RAD54L: variants seen among roughly 807,000 people sequenced by gnomAD.
RAD54L encodes the protein DNA repair and recombination protein RAD54-like.
In RAD54L, 74 loss-of-function variants were observed where a neutral mutation model predicts 91.6. The ratio of observed to expected loss-of-function variants is 0.81; its 90% CI spans 0.67 to 0.98. RAD54L has a LOEUF of 0.98. Among genes scored for constraint, RAD54L ranks in the 50% least tolerant of loss-of-function variants. RAD54L has a pLI of 0.00. For missense variants in RAD54L, 887 were observed against 945.7 expected (o/e 0.94, Z 0.81); for synonymous variants, 304 against 349.7 (o/e 0.87, Z 1.46).
rs1162693010 is a variant in RAD54L, at chr1:46,272,025, CTTTTTTTTTTTTTTTTTT to C, written c.1170-424_1170-407del. Among the ~76,000 whole-genome samples the C allele has an allele frequency of 7.2e-3, 297 of 41,190 alleles. 10 individuals are homozygous for C. The highest frequency in any genetic ancestry group is 0.036 in the East Asian group (67 of 1,874). The allele number at this position is 41,190 out of a possible 152,430, so 27.0% of individuals were successfully genotyped here. On this transcript the variant is annotated intron_variant, in intron 10 of 17. Transcript: ENST00000371975. ...GATGTGTTTGACATAGGTCTGATGA[CTTTTTTTTTTTTTTTTTT>C]TTTTTTTTTTTTTTTTGAGATGGAG...
In RAD54L at chr1:46,249,999, G is replaced by C; in HGVS notation, c.91-1G>C. On this transcript the variant is annotated splice_acceptor_variant, in intron 2 of 17. Coordinates refer to ENST00000371975, the MANE Select transcript of RAD54L (RefSeq NM_003579.4). LOFTEE classifies it high-confidence loss of function. Reference sequence around the variant, plus strand: ...TCACCTTTCCCAATTCTCTCTCCTAGACTCCTAGGAAACGGAAATCCAGCA... The same window carrying C: ...TCACCTTTCCCAATTCTCTCTCCTACACTCCTAGGAAACGGAAATCCAGCA... 1 of 1,613,846 alleles carries C rather than the reference G, an allele frequency of 6.2e-7. No individual in the cohort carries two copies. Among genetic ancestry groups the C allele is most frequent in the Non-Finnish European group, 8.5e-7 (1 of 1,179,852 alleles).
rs1464488279 is a variant in RAD54L at position 46,248,044 on chromosome 1, C to T, written c.-362C>T. 3.4e-6 allele frequency: 1 copy of T among 298,222 alleles called. No homozygotes were observed. Among genetic ancestry groups the T allele is most frequent in the Non-Finnish European group, 6.6e-6 (1 of 152,654 alleles). The allele number at this position is 298,222 out of a possible 1,614,324, so 18.5% of individuals were successfully genotyped here. On this transcript the variant is annotated 5_prime_UTR_variant, in exon 1 of 18. Transcript: ENST00000371975. ...ATTACCCACCCCCAATCCCACCCCG[C>T]CCCGCCGCGCAACTACCTCCTCCCT...
chr1:46,266,350 G>A (rs1223435304), intron 8 of RAD54L, among the ~76,000 whole-genome samples: 3 of 152,212 alleles, frequency 2.0e-5, no homozygotes, highest in Admixed American at 6.5e-5. Context: ...ATTTAATTGC[G>A]TTGTCAAAGC....
In RAD54L at chr1:46,278,342, C is replaced by A; in HGVS notation, c.*60C>A. 2 of 1,502,756 alleles carry A rather than the reference C, an allele frequency of 1.3e-6. No homozygotes were observed. Among genetic ancestry groups the A allele is most frequent in the Non-Finnish European group, 1.8e-6 (2 of 1,101,526 alleles). 93.1% of individuals were successfully genotyped at this position (1,502,756 alleles called of 1,614,324 possible). A position where few individuals can be genotyped will look rare whatever the true frequency, so the allele number is the denominator to read the frequency against. The stretch of plus-strand genomic sequence containing the variant: ...GGAGATAGGGAAAAGGGGCTCCTTG[C>A]TCCACAGGGCCCTGTTGAATTTTGT... On this transcript the variant is annotated 3_prime_UTR_variant, in exon 18 of 18. Coordinates refer to ENST00000371975, the MANE Select transcript of RAD54L (RefSeq NM_003579.4).
chr1:46,272,890 C>T, intron 12 of RAD54L, 88 bp downstream of exon 12: 3 of 1,559,838 alleles, frequency 1.9e-6, no homozygotes, highest in Non-Finnish European at 2.6e-6. Context: ...CTCACTAAAA[C>T]TCGTCCAGAG....
In RAD54L at chr1:46,258,628, A is replaced by G. The variant is rs1660007697; in HGVS notation, c.211-58A>G. 6.3e-6 allele frequency: 8 copies of G among 1,261,232 alleles called. No individual in the cohort carries two copies. In the East Asian group the frequency reaches 1.8e-4, roughly 29 times the overall value. 78.1% of individuals were successfully genotyped at this position (1,261,232 alleles called of 1,614,324 possible). The stretch of plus-strand genomic sequence containing the variant: ...AAAACCTAATGTGAAGCATATCATG[A>G]TATTGTCCCATAACATCTCCAGTCA... On this transcript the variant is annotated intron_variant, in intron 3 of 17. Transcript: ENST00000371975.
rs562378697 is a variant in RAD54L, at chr1:46,260,158, G to A, written c.407+59G>A. ...TTCTCTGTATATGCACGCATACTTG[G>A]GAGGGCAGAGGGTATTTTGGTGTGA... is the stretch of plus-strand genomic sequence containing the variant. On this transcript the variant is annotated intron_variant, in intron 5 of 17. Coordinates refer to ENST00000371975, the MANE Select transcript of RAD54L (RefSeq NM_003579.4). The A allele has an allele frequency of 3.7e-6, 6 of 1,604,706 alleles. No homozygotes were observed. In the African/African-American group the frequency reaches 8.0e-5, roughly 21 times the overall value.
chr1:46,275,954 A>T lies in RAD54L; in HGVS notation c.1869+1237A>T, dbSNP rs868784702. Reference sequence around the variant, plus strand: ...GGGTGACAGAACAGGATCCCGTCTTAAAAAAAAAAAAAATTTTTTTTCTCG... The same window carrying T: ...GGGTGACAGAACAGGATCCCGTCTTTAAAAAAAAAAAAATTTTTTTTCTCG... On this transcript the variant is annotated intron_variant, in intron 16 of 17. Transcript: ENST00000371975. Among the ~76,000 whole-genome samples, 114 of 72,616 alleles carry T rather than the reference A, an allele frequency of 1.6e-3. 2 individuals carry two copies. The highest frequency in any genetic ancestry group is 0.017 in the Middle Eastern group (2 of 118). The allele number at this position is 72,616 out of a possible 152,430, so 47.6% of individuals were successfully genotyped here.
chr1:46,248,187 C>A lies in RAD54L; in HGVS notation c.-219C>A. ...TCTCTTCCTCTTTGGCCTAATCTCT[C>A]GTCTCGGCTTATTGGGGACGGCCAC... On this transcript the variant is annotated 5_prime_UTR_variant, in exon 1 of 18. Coordinates refer to ENST00000371975, the MANE Select transcript of RAD54L (RefSeq NM_003579.4). 1.5e-6 allele frequency: 1 copy of A among 666,384 alleles called. No homozygotes were observed. Among genetic ancestry groups the A allele is most frequent in the South Asian group, 1.7e-5 (1 of 59,906 alleles). The allele number at this position is 666,384 out of a possible 1,614,324, so 41.3% of individuals were successfully genotyped here. A position where few individuals can be genotyped will look rare whatever the true frequency, so the allele number is the denominator to read the frequency against.
In RAD54L at chr1:46,250,055, C is replaced by A. The variant is rs1291998355; in HGVS notation, c.146C>A (p.Ser49Tyr). 1.2e-6 allele frequency: 2 copies of A among 1,614,078 alleles called. No homozygotes were observed. The highest frequency in any genetic ancestry group is 1.7e-6 in the Non-Finnish European group (2 of 1,179,942). Residue 49 changes from serine (S) to tyrosine (Y), a missense_variant, in exon 3 of 18, where the codon TCT (serine) becomes TAT (tyrosine). Physicochemically the swap from Ser to Tyr is moderately radical, Grantham distance 144. Transcript: ENST00000371975. ...SETQIQECFL[S>Y]PFRKPLSQLT... is the part of the protein sequence containing the mutation. ...ACCCAGATCCAGGAGTGTTTCCTGT[C>A]TCCTTTTCGGAAACCTTTGAGTCAG...
intron 3 of RAD54L, among the ~76,000 whole-genome samples, chr1:46,255,103 G>A (rs1447685401): frequency 6.6e-6 from 1 of 152,200 alleles, no homozygotes; most frequent in South Asian, 2.1e-4. Context: ...AGAGTGGAAG[G>A]GGCAGAAGAC....
chr1:46,248,985 T>C (rs1192489725), intron 2 of RAD54L, among the ~76,000 whole-genome samples: 2 of 152,194 alleles, frequency 1.3e-5, no homozygotes, highest in Non-Finnish European at 2.9e-5. Flanking sequence ...CTGGGCTCAC[T>C]TGGGCCTAGA....
intron 3 of RAD54L, among the ~76,000 whole-genome samples, chr1:46,252,953 T>A (rs1011703892): frequency 1.3e-5 from 2 of 152,056 alleles, no homozygotes; most frequent in South Asian, 2.1e-4. Flanking sequence ...GTGACTGTAG[T>A]CCCAGCTACT....
chr1:46,267,465 A>C lies in RAD54L; in HGVS notation c.898A>C (p.Arg300=), dbSNP rs1223507610. The change falls in exon 9 of 18, where the codon AGG becomes CGG. Residue 300 remains arginine (R), a synonymous_variant. Coordinates refer to ENST00000371975, the MANE Select transcript of RAD54L (RefSeq NM_003579.4). ...AATAAGGATTCTCTTGCAGGGACACAGGCTCAAGAACTCTGAGAATCAGAC... is the reference window on the plus strand; with the variant it reads ...AATAAGGATTCTCTTGCAGGGACACCGGCTCAAGAACTCTGAGAATCAGAC... ...VGLVICDEGH[R]LKNSENQTYQ... is the part of the protein sequence containing the mutation. 1 of 1,614,070 alleles carries C rather than the reference A, an allele frequency of 6.2e-7. No individual in the cohort carries two copies.
In RAD54L at chr1:46,265,344, A is replaced by G. The variant is rs1173418888; in HGVS notation, c.892-2115A>G. ...CTAAAAATACAAAAGTTAGCCCGGC[A>G]TAGTAACACATGCCTGTAATACCAG... On this transcript the variant is annotated intron_variant, in intron 8 of 17. Coordinates refer to ENST00000371975, the MANE Select transcript of RAD54L (RefSeq NM_003579.4). This position sits in a 1 kb window ranked among gnomAD's most constrained non-coding sequence, Gnocchi z 4.8. Among the ~76,000 whole-genome samples, 1 of 152,008 alleles carries G rather than the reference A, an allele frequency of 6.6e-6. No homozygotes were observed. The highest frequency in any genetic ancestry group is 2.4e-5 in the African/African-American group (1 of 41,406).
Position 46,277,839 on chromosome 1 carries a change from T to A in RAD54L, c.1892T>A (p.Ile631Asn), listed in dbSNP as rs1660659510. ...LLSAGTIEEK[I>N]FQRQSHKKAL... The stretch of plus-strand genomic sequence containing the variant: ...CAGGCAGGGACCATTGAGGAGAAGA[T>A]CTTCCAGCGTCAGAGCCACAAGAAG... Residue 631 changes from isoleucine (I) to asparagine (N), a missense_variant, in exon 17 of 18, where the codon ATC becomes AAC. Transcript: ENST00000371975. The A allele has an allele frequency of 1.2e-6, 2 of 1,611,808 alleles. No homozygotes were observed. The highest frequency in any genetic ancestry group is 1.1e-5 in the South Asian group (1 of 91,026).
Position 46,248,510 on chromosome 1 carries a change from A to AGAG in RAD54L, c.9_11dup. The AGAG allele has an allele frequency of 6.2e-7, 1 of 1,614,122 alleles. No individual in the cohort carries two copies. The highest frequency in any genetic ancestry group is 2.2e-5 in the East Asian group (1 of 44,870). ...GGCACTGTTTCTGTTCTCCCTTTAC[A>AGAG]GAGGAGGAGCTTGGCTCCCAGCCAG... is the stretch of plus-strand genomic sequence containing the variant. On this transcript the variant is annotated splice_acceptor_variant, in intron 1 of 17. Transcript: ENST00000371975. LOFTEE classifies it high-confidence loss of function.
chr1:46,252,071 G>C (rs1269488645), intron 3 of RAD54L, among the ~76,000 whole-genome samples: 2 of 152,196 alleles, frequency 1.3e-5, no homozygotes, highest in Non-Finnish European at 1.5e-5. Flanking sequence ...ACCTGCCTCT[G>C]AGAGATGTGC....
chr1:46,254,233 C>G (rs150415103), intron 3 of RAD54L, among the ~76,000 whole-genome samples: 345 of 152,076 alleles, frequency 2.3e-3, no homozygotes, highest in Non-Finnish European at 4.0e-3. Context: ...CCTCAGCCTC[C>G]CAAAATGCTG....
Sources: gnomAD v4.1 joint callset for allele counts (sites outside exome capture counted in the v4.1 genomes callset) on GRCh38, gnomAD v4.1.1 for gene constraint, Gnocchi (gnomAD v3.1) non-coding constraint, MANE v1.5 for transcripts, NCBI Gene and HGNC (gene_info 2026-07-23, HGNC 2026-07-21) for gene names.